Variants in DCDC2C observed in about 807,000 individuals in gnomAD.
The protein encoded by DCDC2C is doublecortin domain-containing protein 2C.
A neutral mutation model predicts 45.0 loss-of-function variants in DCDC2C; 44 were observed. The observed-to-expected ratio is 0.98, with a 90% confidence interval of 0.77 to 1.26. The LOEUF (loss-of-function observed/expected upper bound fraction) is 1.26. Ranked by LOEUF, DCDC2C falls within the 50% of genes most tolerant of loss-of-function variation. The pLI is 0.00. For synonymous variants in DCDC2C, 187 were observed against 178.8 expected, an observed-to-expected ratio of 1.05 and a Z score of -0.37; for missense variants, 447 against 468.9, an observed-to-expected ratio of 0.95 and a Z score of 0.43.
At chr2:3,717,581 G>A (rs547499509) in intron 2 of DCDC2C, among the ~76,000 whole-genome samples, 10 of 152,082 alleles carry the variant, frequency 6.6e-5, no homozygotes, top group African/African-American at 2.4e-4. Flanking sequence ...CATGCCTTCC[G>A]CTGGTCTCCT....
At chr2:3,820,978 C>T (rs1424708236) in intron 10 of DCDC2C, among the ~76,000 whole-genome samples, 1 of 152,124 alleles carries the variant, frequency 6.6e-6, no homozygotes, top group Non-Finnish European at 1.5e-5. Context: ...AAAGAGTCCA[C>T]CAAACAGGCT....
chr2:3,802,568 T>C (rs1366640439), intron 10 of DCDC2C, among the ~76,000 whole-genome samples: 1 of 152,192 alleles, frequency 6.6e-6, no homozygotes, highest in Non-Finnish European at 1.5e-5. Flanking sequence ...GTCAGGGTGC[T>C]GGCAGGCTCG....
intron 10 of DCDC2C, among the ~76,000 whole-genome samples, chr2:3,787,376 G>T (rs937163524): frequency 6.6e-6 from 1 of 152,196 alleles, no homozygotes; most frequent in Admixed American, 6.5e-5. Context: ...TGAGTGTAAA[G>T]ATTAGAAGTA....
At chr2:3,789,985 A>G (rs17507421) in intron 10 of DCDC2C, among the ~76,000 whole-genome samples, 70,153 of 152,104 alleles carry the variant, frequency 0.46, 16,781 homozygotes, top group East Asian at 0.82. Flanking sequence ...TACAACAAAA[A>G]GAGAGTCATG....
chr2:3,757,251 A>G (rs534515255), intron 6 of DCDC2C, among the ~76,000 whole-genome samples: 3 of 152,022 alleles, frequency 2.0e-5, no homozygotes, highest in Non-Finnish European at 4.4e-5. Context: ...CCTTTTATCT[A>G]TTTTCTATGT....
chr2:3,791,336 A>G (rs1347303220), intron 10 of DCDC2C, among the ~76,000 whole-genome samples: 3 of 151,962 alleles, frequency 2.0e-5, no homozygotes, highest in African/African-American at 7.3e-5. Flanking sequence ...TCCACTCTTC[A>G]TTAATCAAAC....
At chr2:3,717,763 C>T (rs970793587) in intron 2 of DCDC2C, among the ~76,000 whole-genome samples, 1 of 152,202 alleles carries the variant, frequency 6.6e-6, no homozygotes, top group Non-Finnish European at 1.5e-5. Context: ...CTCACCGCTC[C>T]TCCCTCTGTG....
intron 4 of DCDC2C, among the ~76,000 whole-genome samples, chr2:3,746,807 G>A (rs900627101): frequency 6.6e-6 from 1 of 152,184 alleles, no homozygotes; most frequent in African/African-American, 2.4e-5. Flanking sequence ...TGAGCCCTGG[G>A]GGAGTTCTCA....
intron 9 of DCDC2C, among the ~76,000 whole-genome samples, chr2:3,779,802 C>T (rs1670461639): frequency 6.6e-6 from 1 of 152,088 alleles, no homozygotes; most frequent in Admixed American, 6.5e-5. Context: ...ACTTGCCCTG[C>T]AGCTTCCTGG....
intron 4 of DCDC2C, among the ~76,000 whole-genome samples, chr2:3,750,899 A>T (rs1669525360): frequency 6.6e-6 from 1 of 152,040 alleles, no homozygotes; most frequent in African/African-American, 2.4e-5. Context: ...CTTCTTCTGC[A>T]GATCCTGTTT....
At chr2:3,843,903 T>A (rs9808244) in intron 10 of DCDC2C, among the ~76,000 whole-genome samples, 24,873 of 152,124 alleles carry the variant, frequency 0.16, 2,247 homozygotes, top group Non-Finnish European at 0.2. Context: ...AAAAACACAT[T>A]GCACTTGTAA....
At chr2:3,726,923 C>A in intron 2 of DCDC2C, 80 bp from the exon 3 acceptor site, 1 of 1,247,570 alleles carries the variant, frequency 8.0e-7, no homozygotes, top group Non-Finnish European at 1.1e-6. Flanking sequence ...TGTTTTAGGG[C>A]AGTGCTGTGC....
chr2:3,796,838 G>A (rs1298435317), intron 10 of DCDC2C, among the ~76,000 whole-genome samples: 18 of 146,216 alleles, frequency 1.2e-4, no homozygotes, highest in Non-Finnish European at 2.2e-4. Context: ...CTCTTTTTTG[G>A]TTGTGTCTCT....
intron 4 of DCDC2C, among the ~76,000 whole-genome samples, chr2:3,751,970 C>A (rs1265943532): frequency 6.6e-6 from 1 of 152,190 alleles, no homozygotes; most frequent in Non-Finnish European, 1.5e-5. Flanking sequence ...TGCACCTCAC[C>A]CTCAGTGACT....
At chr2:3,791,003 G>A (rs1334533453) in intron 10 of DCDC2C, among the ~76,000 whole-genome samples, 1 of 152,034 alleles carries the variant, frequency 6.6e-6, no homozygotes, top group Non-Finnish European at 1.5e-5. Context: ...CCAGCTACTC[G>A]GGAGGCTGAG....
At chr2:3,791,782 T>C (rs925332916) in intron 10 of DCDC2C, among the ~76,000 whole-genome samples, 1 of 152,224 alleles carries the variant, frequency 6.6e-6, no homozygotes, top group African/African-American at 2.4e-5. Flanking sequence ...GCCGGCAGAA[T>C]GTCTTCTCCT....
intron 10 of DCDC2C, among the ~76,000 whole-genome samples, chr2:3,829,130 G>T (rs1015417180): frequency 2.0e-5 from 3 of 152,112 alleles, no homozygotes; most frequent in African/African-American, 7.2e-5. Context: ...TGTGATGCTG[G>T]CTTTAGAAAC....
chr2:3,753,666 C>T (rs1017517853), intron 5 of DCDC2C, among the ~76,000 whole-genome samples: 22 of 152,188 alleles, frequency 1.4e-4, no homozygotes, highest in Admixed American at 2.6e-4. Context: ...GGCCAGCCTT[C>T]CTCTATCCTT....
chr2:3,762,103 T>C (rs953669218), intron 6 of DCDC2C, among the ~76,000 whole-genome samples: 8 of 151,800 alleles, frequency 5.3e-5, no homozygotes, highest in African/African-American at 1.9e-4. Context: ...GTGAGGTTCA[T>C]GCATGCTTCC....
Sources: allele counts gnomAD v4.1 joint callset (sites outside exome capture counted in the v4.1 genomes callset), GRCh38; gene constraint gnomAD v4.1.1; transcripts MANE v1.5; gene names NCBI Gene and HGNC (gene_info 2026-07-23, HGNC 2026-07-21).